UNC13C: variants seen among roughly 807,000 people sequenced by gnomAD.
The protein encoded by UNC13C is protein unc-13 homolog C.
In UNC13C, 174 loss-of-function variants were observed where a neutral mutation model predicts 245.4. The ratio of observed to expected loss-of-function variants is 0.71; its 90% CI spans 0.63 to 0.80. The LOEUF (loss-of-function observed/expected upper bound fraction) is 0.80, where lower values mean the gene tolerates loss of function less well. UNC13C is among the 30% of genes least tolerant of loss of function. The probability of loss-of-function intolerance (pLI) is 0.00; values close to 1 mark genes in which losing one functional copy is unlikely to be tolerated. For synonymous variants in UNC13C, 992 were observed against 895.1 expected (o/e 1.11, Z -1.93); for missense variants, 2,829 against 2,602.9 (o/e 1.09, Z -1.89).
intron 13 of UNC13C, among the ~76,000 whole-genome samples, chr15:54,300,897 A>C (rs2037562418): frequency 6.6e-6 from 1 of 152,308 alleles, no homozygotes; most frequent in African/African-American, 2.4e-5. Context: ...TCTCATATTT[A>C]TATCAGTACT....
chr15:54,624,345 A>G (rs951939017), intron 32 of UNC13C, among the ~76,000 whole-genome samples: 1 of 152,168 alleles, frequency 6.6e-6, no homozygotes, highest in South Asian at 2.1e-4. Flanking sequence ...TTTTAAACTG[A>G]AACCTGTCCA....
At chr15:54,001,393 C>T (rs1011785480) in intron 1 of UNC13C, among the ~76,000 whole-genome samples, 7 of 152,196 alleles carry the variant, frequency 4.6e-5, no homozygotes, top group Admixed American at 4.6e-4. Flanking sequence ...ACACTTTTAA[C>T]TGCATGTAAC....
chr15:54,237,199 T>C (rs1334194357), intron 6 of UNC13C, among the ~76,000 whole-genome samples: 1 of 152,170 alleles, frequency 6.6e-6, no homozygotes, highest in East Asian at 1.9e-4. Flanking sequence ...AACCATCTAA[T>C]ACTAATTATG....
At chr15:54,204,100 A>G (rs2034629492) in intron 4 of UNC13C, among the ~76,000 whole-genome samples, 1 of 151,748 alleles carries the variant, frequency 6.6e-6, no homozygotes, top group Admixed American at 6.6e-5. Context: ...ACCTATGAGG[A>G]CACAAAGCCA....
chr15:54,030,043 G>T (rs540259563), intron 2 of UNC13C, among the ~76,000 whole-genome samples: 1 of 152,194 alleles, frequency 6.6e-6, no homozygotes, highest in Non-Finnish European at 1.5e-5. Context: ...GGAGGTCTTA[G>T]CTGAGTCAAG....
intron 30 of UNC13C, among the ~76,000 whole-genome samples, chr15:54,573,892 G>A (rs929853018): frequency 2.0e-5 from 3 of 152,186 alleles, no homozygotes; most frequent in African/African-American, 7.2e-5. Flanking sequence ...AGGCTGAAAA[G>A]TGAGAAGTGA....
intron 1 of UNC13C, among the ~76,000 whole-genome samples, chr15:54,008,331 A>G (rs1486853097): frequency 6.6e-6 from 1 of 152,198 alleles, no homozygotes; most frequent in African/African-American, 2.4e-5. Context: ...GAGTCACTTT[A>G]TCTGGAAATT....
intron 2 of UNC13C, among the ~76,000 whole-genome samples, chr15:54,024,141 C>T (rs1322001751): frequency 6.6e-6 from 1 of 152,102 alleles, no homozygotes; most frequent in Non-Finnish European, 1.5e-5. Flanking sequence ...AACTCAGGAA[C>T]AAGAGAGGAG....
chr15:53,926,555 G>A, the UNC13C span, among the ~76,000 whole-genome samples: 2 of 152,128 alleles, frequency 1.3e-5, no homozygotes, highest in Non-Finnish European at 2.9e-5. Flanking sequence ...TAGTTATTAT[G>A]CTATGTATCA....
In UNC13C at chr15:54,300,270, A is replaced by C; in HGVS notation, c.4165A>C (p.Lys1389Gln). 1 of 1,597,332 alleles carries C rather than the reference A, an allele frequency of 6.3e-7. No individual in the cohort carries two copies. Among genetic ancestry groups the C allele is most frequent in the Non-Finnish European group, 8.5e-7 (1 of 1,170,998 alleles). Reference sequence around the variant, plus strand: ...TGGTGGAGTGAAAATCCCAGAAGTCAAAGGGGATGAAGCCTGGAAGGTTTT... The same window carrying C: ...TGGTGGAGTGAAAATCCCAGAAGTCCAAGGGGATGAAGCCTGGAAGGTTTT... ...SNGGVKIPEV[K>Q]GDEAWKVFFD... The change falls in exon 13 of 33, where the codon AAA becomes CAA. Residue 1389 changes from lysine to glutamine, a missense_variant. By Grantham distance (53) the Lys-to-Gln change is moderately conservative. Transcript: ENST00000260323.
chr15:54,129,130 G>A (rs7175008), intron 2 of UNC13C, among the ~76,000 whole-genome samples: 55,837 of 151,974 alleles, frequency 0.37, 10,349 homozygotes, highest in Admixed American at 0.39. Context: ...TGTTAGTTGC[G>A]TTTAGTGGGA....
At chr15:53,962,468 G>C in the UNC13C span, among the ~76,000 whole-genome samples, 5 of 152,028 alleles carry the variant, frequency 3.3e-5, no homozygotes, top group African/African-American at 1.2e-4. Context: ...ATTTTCATGT[G>C]TGAGTATGTG....
chr15:54,061,522 T>G (rs1355417659), intron 2 of UNC13C, among the ~76,000 whole-genome samples: 1 of 152,148 alleles, frequency 6.6e-6, no homozygotes, highest in African/African-American at 2.4e-5. Context: ...CTTAAAGGCC[T>G]CTGAGGAAGT....
At chr15:53,969,041 T>A in the UNC13C span, among the ~76,000 whole-genome samples, 1 of 152,184 alleles carries the variant, frequency 6.6e-6, no homozygotes, top group Non-Finnish European at 1.5e-5. Context: ...TGTTTGCACC[T>A]CTGTTTTATA....
chr15:53,858,474 G>GC, the UNC13C span, among the ~76,000 whole-genome samples: 1 of 150,784 alleles, frequency 6.6e-6, no homozygotes, highest in Admixed American at 6.6e-5. Flanking sequence ...AGGTTGGAGT[G>GC]CAGTGGCATG....
chr15:53,981,654 T>A (rs1417826345), intron 1 of UNC13C, among the ~76,000 whole-genome samples: 1 of 152,176 alleles, frequency 6.6e-6, no homozygotes, highest in Non-Finnish European at 1.5e-5. Context: ...GCCCTCTCAA[T>A]CTGTAGCTTT....
At chr15:54,291,067 T>A (rs978085480) in intron 10 of UNC13C, among the ~76,000 whole-genome samples, 6 of 152,202 alleles carry the variant, frequency 3.9e-5, no homozygotes, top group Middle Eastern at 6.8e-3. Context: ...GTGTCTTTGT[T>A]TCTACTTAGA....
chr15:53,973,552 T>C (rs139118687), upstream of UNC13C, among the ~76,000 whole-genome samples: 3 of 151,308 alleles, frequency 2.0e-5, no homozygotes, highest in African/African-American at 7.3e-5. Flanking sequence ...TGCTGTGCCA[T>C]ATCACTAAAT....
Position 54,004,109 on chromosome 15 carries a change from T to C in UNC13C, c.-256-8539T>C, listed in dbSNP as rs551357847. On this transcript the variant is annotated intron_variant, in intron 1 of 32. Coordinates refer to ENST00000260323, the MANE Select transcript of UNC13C (RefSeq NM_001080534.3). ...GCTATCAAATATTAGATTGTATTCA[T>C]TATTTCTATTTTTTGTACCCATTAA... Among the ~76,000 whole-genome samples, 52 of 152,278 alleles carry C rather than the reference T, an allele frequency of 3.4e-4. No homozygotes were observed. In the South Asian group the frequency reaches 0.011, roughly 32 times the overall value.
Sources: gnomAD v4.1 joint callset for allele counts (sites outside exome capture counted in the v4.1 genomes callset) on GRCh38, gnomAD v4.1.1 for gene constraint, MANE v1.5 for transcripts, NCBI Gene and HGNC (gene_info 2026-07-23, HGNC 2026-07-21) for gene names.